The following SLC24A3 variants were observed in gnomAD, a reference collection of about 807,000 sequenced individuals.
The protein encoded by SLC24A3 is solute carrier family 24 member 3, also known as sodium/potassium/calcium exchanger 3.
Under a neutral mutation model 75.8 loss-of-function variants are expected in SLC24A3, and 28 were observed. That is an observed-to-expected ratio of 0.37 (90% confidence interval 0.27 to 0.51). SLC24A3 has a LOEUF of 0.51. Ranked by LOEUF, SLC24A3 falls within the 20% of genes least tolerant of loss-of-function variation. The pLI, the probability that SLC24A3 is intolerant of heterozygous loss-of-function variation, is 0.94. For synonymous variants in SLC24A3, 372 were observed against 334.1 expected (o/e 1.11, Z -1.24); for missense variants, 663 against 847.8 (o/e 0.78, Z 2.71).
chr20:19,257,381 G>T (rs1477761323), intron 1 of SLC24A3, among the ~76,000 whole-genome samples: 1 of 152,202 alleles, frequency 6.6e-6, no homozygotes, highest in Non-Finnish European at 1.5e-5. Context: ...TGGGCATCAG[G>T]CCCAGGAGAA....
rs939812949 is a variant in SLC24A3 at position 19,424,993 on chromosome 20, G to A, written c.272-90495G>A. Among the ~76,000 whole-genome samples, 12 of 151,962 alleles carry A rather than the reference G, an allele frequency of 7.9e-5. No individual in the cohort carries two copies. In the South Asian group the frequency reaches 1.0e-3, roughly 13 times the overall value. ...ATAAGAACACTAATGGCCAATACCC[G>A]CAAAACATACCCGCTAATAAAAATT... On this transcript the variant is annotated intron_variant, in intron 2 of 16. Coordinates refer to ENST00000328041, the MANE Select transcript of SLC24A3 (RefSeq NM_020689.4).
At position 19,661,049 on chromosome 20, in the gene SLC24A3, C is replaced by A. The variant is rs954779965; in HGVS notation, c.688-4815C>A. 2.0e-5 allele frequency among the ~76,000 whole-genome samples: 3 copies of A among 152,122 alleles called. No individual in the cohort carries two copies. The East Asian group carries it at 5.8e-4, about 29-fold the overall frequency. ...GGAAGTGCATCCGCTGGCCTGGAGA[C>A]CCCAGAGAGGAGCCTTTCATCTCTA... On this transcript the variant is annotated intron_variant, in intron 7 of 16. Coordinates refer to ENST00000328041, the MANE Select transcript of SLC24A3 (RefSeq NM_020689.4).
At chr20:19,698,477 C>G in intron 14 of SLC24A3, 91 bp from the exon 15 acceptor site, 1 of 835,934 alleles carries the variant, frequency 1.2e-6, no homozygotes, top group Non-Finnish European at 2.0e-6. Context: ...TGCAGAACCA[C>G]TCTCTGGCTG....
intron 6 of SLC24A3, among the ~76,000 whole-genome samples, chr20:19,586,293 AG>A (rs2031294963): frequency 6.6e-6 from 1 of 152,182 alleles, no homozygotes; most frequent in Non-Finnish European, 1.5e-5. Flanking sequence ...ATTTCTTCAT[AG>A]GGATTTTATT....
intron 2 of SLC24A3, among the ~76,000 whole-genome samples, chr20:19,297,264 T>C (rs1984084229): frequency 1.3e-5 from 2 of 152,220 alleles, no homozygotes; most frequent in African/African-American, 4.8e-5. Flanking sequence ...TTATCACTTT[T>C]TACCCTTCTA....
intron 2 of SLC24A3, among the ~76,000 whole-genome samples, chr20:19,512,729 G>C (rs1012643821): frequency 1.3e-5 from 2 of 152,244 alleles, no homozygotes; most frequent in Non-Finnish European, 2.9e-5. Flanking sequence ...ACCCAGTGCA[G>C]ACGTGGATGA....
At chr20:19,276,046 C>T (rs983113112) in intron 1 of SLC24A3, among the ~76,000 whole-genome samples, 3 of 152,208 alleles carry the variant, frequency 2.0e-5, no homozygotes, top group Non-Finnish European at 4.4e-5. Flanking sequence ...GGAGCGGCCT[C>T]TTTGCTGTAG....
At chr20:19,486,412 C>G (rs1434962783) in intron 2 of SLC24A3, among the ~76,000 whole-genome samples, 1 of 151,924 alleles carries the variant, frequency 6.6e-6, no homozygotes, top group Admixed American at 6.6e-5. Context: ...GAACAGTACA[C>G]CAAAAGTGGT....
intron 3 of SLC24A3, among the ~76,000 whole-genome samples, chr20:19,579,012 C>G (rs369873222): frequency 5.8e-4 from 89 of 152,270 alleles, no homozygotes; most frequent in South Asian, 3.9e-3. Context: ...AAAGTAAAAG[C>G]CTTTCCTGCT....
chr20:19,641,903 G>A (rs2032079006), intron 6 of SLC24A3, among the ~76,000 whole-genome samples: 1 of 152,186 alleles, frequency 6.6e-6, no homozygotes, highest in Admixed American at 6.5e-5. Context: ...AAGACACCCA[G>A]GTCATTCTTA....
chr20:19,239,219 C>A (rs1982263282), intron 1 of SLC24A3, among the ~76,000 whole-genome samples: 1 of 152,070 alleles, frequency 6.6e-6, no homozygotes, highest in African/African-American at 2.4e-5. Flanking sequence ...CTCTCTTATG[C>A]TCCTTGTGCA....
intron 6 of SLC24A3, among the ~76,000 whole-genome samples, chr20:19,640,246 CAA>C (rs2032060298): frequency 6.6e-6 from 1 of 152,188 alleles, no homozygotes; most frequent in Non-Finnish European, 1.5e-5. Flanking sequence ...TCTTTCCTAA[CAA>C]GACATCAATA....
At chr20:19,332,746 G>A (rs377264392) in intron 2 of SLC24A3, among the ~76,000 whole-genome samples, 1 of 152,144 alleles carries the variant, frequency 6.6e-6, no homozygotes, top group Admixed American at 6.5e-5. Context: ...GGTGGCAAGA[G>A]GACCTTGGTC....
chr20:19,528,961 A>G (rs1262648530), intron 3 of SLC24A3, among the ~76,000 whole-genome samples: 1 of 151,806 alleles, frequency 6.6e-6, no homozygotes, highest in African/African-American at 2.4e-5. Flanking sequence ...GAGACCCATT[A>G]CTCTCCTTTT....
chr20:19,590,162 G>T (rs910796388), intron 6 of SLC24A3, among the ~76,000 whole-genome samples: 1 of 149,826 alleles, frequency 6.7e-6, no homozygotes, highest in African/African-American at 2.4e-5. Context: ...GGCAAAAACC[G>T]CAATTACTTT....
At chr20:19,705,989 T>A (rs939060438) in intron 15 of SLC24A3, among the ~76,000 whole-genome samples, 17 of 152,206 alleles carry the variant, frequency 1.1e-4, no homozygotes, top group Non-Finnish European at 1.5e-5. Context: ...TTAAGAGAGC[T>A]GAGAAAGTCA....
At chr20:19,312,511 C>T (rs1284025648) in intron 2 of SLC24A3, among the ~76,000 whole-genome samples, 1 of 152,158 alleles carries the variant, frequency 6.6e-6, no homozygotes, top group Non-Finnish European at 1.5e-5. Flanking sequence ...TCCAGCCACT[C>T]TGCACAAGGG....
chr20:19,282,122 A>G (rs1600409900), intron 2 of SLC24A3, among the ~76,000 whole-genome samples: 1 of 152,144 alleles, frequency 6.6e-6, no homozygotes, highest in Admixed American at 6.5e-5. Context: ...AGCCCAAACA[A>G]CTACAGGCTG....
intron 6 of SLC24A3, among the ~76,000 whole-genome samples, chr20:19,615,310 C>T (rs543817681): frequency 3.9e-5 from 6 of 152,272 alleles, no homozygotes; most frequent in Admixed American, 2.6e-4. Flanking sequence ...TTAATCAATA[C>T]CTATGTTAGT....
Sources: gnomAD v4.1 joint callset for allele counts (sites outside exome capture counted in the v4.1 genomes callset) on GRCh38, gnomAD v4.1.1 for gene constraint, MANE v1.5 for transcripts, NCBI Gene and HGNC (gene_info 2026-07-23, HGNC 2026-07-21) for gene names.